The following BAIAP2L1 variants were observed in gnomAD, a reference collection of about 807,000 sequenced individuals.
BAIAP2L1 encodes the protein BAR/IMD domain containing adaptor protein 2 like 1.
Under a neutral mutation model 66.3 loss-of-function variants are expected in BAIAP2L1, and 35 were observed. The ratio of observed to expected loss-of-function variants is 0.53; its 90% confidence interval spans 0.40 to 0.70. The LOEUF (loss-of-function observed/expected upper bound fraction) is 0.70. Among genes scored for constraint, BAIAP2L1 ranks in the 30% least tolerant of loss-of-function variants. The probability of loss-of-function intolerance (pLI) is 0.00; values close to 1 mark genes in which losing one functional copy is unlikely to be tolerated. For synonymous variants in BAIAP2L1, 269 were observed against 248.7 expected (o/e 1.08, Z -0.77); for missense variants, 622 against 656.9 (o/e 0.95, Z 0.58).
chr7:98,376,263 G>C (rs1016456047), intron 1 of BAIAP2L1, among the ~76,000 whole-genome samples: 5 of 152,044 alleles, frequency 3.3e-5, no homozygotes, highest in Non-Finnish European at 5.9e-5. Context: ...CAGCACTTTG[G>C]GGGGCTGAGG....
rs768106761 is a variant in BAIAP2L1 at position 98,400,832 on chromosome 7, C to A, written c.21G>T (p.Glu7Asp). 1.0e-5 allele frequency: 16 copies of A among 1,546,436 alleles called. No individual in the cohort carries two copies. The highest frequency in any genetic ancestry group is 1.3e-5 in the Non-Finnish European group (15 of 1,145,036). The change falls in exon 1 of 14, where the codon GAG becomes GAT. Residue 7 changes from glutamate to aspartate, a missense_variant. Transcript: ENST00000005260. MSRGPE[E>D]VNRLTESTYR... is the part of the protein sequence containing the mutation. ...AGGTGCTCTCCGTGAGCCGGTTCACCTCCTCGGGCCCCCGGGACATGGCTG... is the reference window on the plus strand; with the variant it reads ...AGGTGCTCTCCGTGAGCCGGTTCACATCCTCGGGCCCCCGGGACATGGCTG...
intron 5 of BAIAP2L1, among the ~76,000 whole-genome samples, chr7:98,317,890 C>A (rs1801127078): frequency 6.6e-6 from 1 of 150,968 alleles, no homozygotes; most frequent in African/African-American, 2.4e-5. Context: ...TTCACACCAT[C>A]TGCATGCTGG....
intron 2 of BAIAP2L1, among the ~76,000 whole-genome samples, chr7:98,357,167 G>T (rs1802155729): frequency 6.8e-6 from 1 of 146,430 alleles, no homozygotes; most frequent in African/African-American, 2.5e-5. Context: ...GATTATAGTT[G>T]TGAGCCACAG....
At chr7:98,297,273 C>T (rs1057356452) in intron 12 of BAIAP2L1, among the ~76,000 whole-genome samples, 2 of 152,190 alleles carry the variant, frequency 1.3e-5, no homozygotes, top group Non-Finnish European at 2.9e-5. Flanking sequence ...TGGTCCACAC[C>T]CCCTTCCCGA....
Position 98,292,785 on chromosome 7 carries a change from G to T in BAIAP2L1, c.*736C>A. 6.5e-7 allele frequency: 1 copy of T among 1,545,282 alleles called. No homozygotes were observed. Among genetic ancestry groups the T allele is most frequent in the Non-Finnish European group, 8.7e-7 (1 of 1,143,096 alleles). ...TAGCTGAGTGAGAACACAAGGAGCC[G>T]TGACTCCGACGCCCAGGCCTGTGTC... On this transcript the variant is annotated 3_prime_UTR_variant, in exon 14 of 14. Coordinates refer to ENST00000005260, the MANE Select transcript of BAIAP2L1 (RefSeq NM_018842.5).
chr7:98,360,629 A>G (rs908053016), intron 2 of BAIAP2L1, among the ~76,000 whole-genome samples: 6 of 152,090 alleles, frequency 3.9e-5, no homozygotes, highest in African/African-American at 1.4e-4. Context: ...TAGAAAGAAA[A>G]AAAAAAAAAG....
At chr7:98,368,566 T>C (rs1372806331) in intron 1 of BAIAP2L1, among the ~76,000 whole-genome samples, 2 of 151,922 alleles carry the variant, frequency 1.3e-5, no homozygotes, top group Non-Finnish European at 2.9e-5. Flanking sequence ...TGGTGCGTGC[T>C]TGTAATCCCA....
intron 1 of BAIAP2L1, among the ~76,000 whole-genome samples, chr7:98,366,077 G>C (rs2115741002): frequency 6.6e-6 from 1 of 152,270 alleles, no homozygotes; most frequent in South Asian, 2.1e-4. Context: ...CCACTCTACA[G>C]TCATCAGGGG....
intron 3 of BAIAP2L1, among the ~76,000 whole-genome samples, chr7:98,324,619 G>A (rs1196070562): frequency 6.6e-6 from 1 of 152,074 alleles, no homozygotes; most frequent in East Asian, 1.9e-4. Flanking sequence ...GGGTTCAGGC[G>A]GGAGGATCGC....
chr7:98,346,186 G>C (rs1296224087), intron 3 of BAIAP2L1, among the ~76,000 whole-genome samples: 1 of 152,014 alleles, frequency 6.6e-6, no homozygotes, highest in Non-Finnish European at 1.5e-5. Context: ...TTTCAGAAAA[G>C]AACTAAATAG....
chr7:98,359,744 G>GTTTT, intron 2 of BAIAP2L1, among the ~76,000 whole-genome samples: 1 of 100,064 alleles, frequency 1.0e-5, no homozygotes, highest in Non-Finnish European at 2.4e-5. Context: ...TGTAGACCTG[G>GTTTT]GTTTTTTTTT....
At chr7:98,386,793 G>A (rs1802904519) in intron 1 of BAIAP2L1, among the ~76,000 whole-genome samples, 1 of 144,200 alleles carries the variant, frequency 6.9e-6, no homozygotes, top group Admixed American at 7.5e-5. Flanking sequence ...TCTGCCTCCA[G>A]GTTTCAAGTG....
At chr7:98,355,012 G>A (rs762886023) in intron 3 of BAIAP2L1, 30 bp downstream of exon 3, 6 of 1,541,970 alleles carry the variant, frequency 3.9e-6, no homozygotes, top group South Asian at 1.1e-5. Context: ...TGACAAGTGG[G>A]GTTTATGTAT....
At chr7:98,364,828 A>T (rs548333260) in intron 1 of BAIAP2L1, among the ~76,000 whole-genome samples, 8 of 151,526 alleles carry the variant, frequency 5.3e-5, no homozygotes, top group African/African-American at 1.7e-4. Context: ...GCTACAAAAA[A>T]TAAAAACAAT....
At position 98,293,563 on chromosome 7, in the gene BAIAP2L1, G is replaced by A. The variant is rs13008; in HGVS notation, c.1494C>T (p.Arg498=). 641,930 of 1,610,846 alleles carry A rather than the reference G, an allele frequency of 0.4. 143,046 individuals carry two copies. The highest frequency in any genetic ancestry group is 0.48 in the Middle Eastern group (2,807 of 5,898). ...GENPFATVKL[R]PTVTNDRSAP... ...CCGAGCGATCATTCGTCACAGTCGGGCGGAGTTTCACAGTGGCAAAGGGGT... is the reference window on the plus strand; with the variant it reads ...CCGAGCGATCATTCGTCACAGTCGGACGGAGTTTCACAGTGGCAAAGGGGT... Residue 498 remains arginine, a synonymous_variant, in exon 14 of 14, where the codon CGC becomes CGT. Coordinates refer to ENST00000005260, the MANE Select transcript of BAIAP2L1 (RefSeq NM_018842.5).
intron 1 of BAIAP2L1, among the ~76,000 whole-genome samples, chr7:98,377,690 C>T (rs977522832): frequency 2.6e-5 from 4 of 151,194 alleles, no homozygotes; most frequent in Admixed American, 2.0e-4. Flanking sequence ...TGGTGGCACG[C>T]GCCTGTAATC....
chr7:98,371,844 T>C (rs995896366), intron 1 of BAIAP2L1, among the ~76,000 whole-genome samples: 1 of 151,690 alleles, frequency 6.6e-6, no homozygotes, highest in Non-Finnish European at 1.5e-5. Flanking sequence ...ACCCAGGCTG[T>C]AGTGCAGTGG....
chr7:98,313,774 A>G (rs897079989), intron 7 of BAIAP2L1, among the ~76,000 whole-genome samples: 8 of 146,318 alleles, frequency 5.5e-5, no homozygotes, highest in Non-Finnish European at 1.2e-4. Flanking sequence ...GCACATCACC[A>G]CAACTGGCTA....
chr7:98,312,925 C>A (rs889369153), intron 7 of BAIAP2L1, among the ~76,000 whole-genome samples: 2 of 152,184 alleles, frequency 1.3e-5, no homozygotes, highest in Admixed American at 6.5e-5. Flanking sequence ...TCTCAGAGGC[C>A]CCCCAAGCGC....
Sources: allele counts gnomAD v4.1 joint callset (sites outside exome capture counted in the v4.1 genomes callset), GRCh38; gene constraint gnomAD v4.1.1; transcripts MANE v1.5; gene names NCBI Gene and HGNC (gene_info 2026-07-23, HGNC 2026-07-21).